The following RBM19 variants were observed in gnomAD, a reference collection of about 807,000 sequenced individuals.
RBM19 encodes probable RNA-binding protein 19.
A neutral mutation model predicts 116.8 loss-of-function variants in RBM19; 94 were observed. The observed-to-expected ratio is 0.80, with a 90% CI of 0.68 to 0.95. The LOEUF (loss-of-function observed/expected upper bound fraction) is 0.95. Ranked by LOEUF, RBM19 falls within the 40% of genes least tolerant of loss-of-function variation. The pLI, the probability that RBM19 is intolerant of heterozygous loss-of-function variation, is 0.00. For synonymous variants in RBM19, 475 were observed against 494.1 expected, an observed-to-expected ratio of 0.96 and a Z score of 0.51; for missense variants, 1,161 against 1,220.7, an observed-to-expected ratio of 0.95 and a Z score of 0.73.
At chr12:113,884,824 C>T (rs1222939404) in intron 21 of RBM19, among the ~76,000 whole-genome samples, 1 of 152,138 alleles carries the variant, frequency 6.6e-6, no homozygotes, top group African/African-American at 2.4e-5. Context: ...GGGGTTCCCA[C>T]TGGTCAAATT....
At chr12:113,833,976 GCTCAAGTGATCCTCCTGC>G (rs1215270984) in intron 23 of RBM19, among the ~76,000 whole-genome samples, 1 of 152,118 alleles carries the variant, frequency 6.6e-6, no homozygotes, top group Non-Finnish European at 1.5e-5. Context: ...AAACTCCTAG[GCTCAAGTGATCCTCCTGC>G]CTCGGCGTCT....
chr12:113,941,921 C>T (rs970722702), intron 14 of RBM19, among the ~76,000 whole-genome samples: 1 of 152,206 alleles, frequency 6.6e-6, no homozygotes, highest in Admixed American at 6.5e-5. Context: ...AAGCTGCAGT[C>T]ATCCATAAAT....
chr12:113,874,502 G>A (rs1040717459), intron 21 of RBM19, among the ~76,000 whole-genome samples: 8 of 152,198 alleles, frequency 5.3e-5, no homozygotes, highest in African/African-American at 1.2e-4. Context: ...GTGAGACCTC[G>A]AGGGGAGGTC....
intron 21 of RBM19, among the ~76,000 whole-genome samples, chr12:113,908,801 C>T (rs573193660): frequency 3.1e-4 from 47 of 152,278 alleles, no homozygotes; most frequent in African/African-American, 1.1e-3. Context: ...CCTCTCTGTG[C>T]CTTACACTTC....
intron 21 of RBM19, among the ~76,000 whole-genome samples, chr12:113,908,853 G>T (rs529134378): frequency 6.6e-6 from 1 of 152,316 alleles, no homozygotes; most frequent in South Asian, 2.1e-4. Flanking sequence ...TTCACATAGT[G>T]GGTATGCACT....
chr12:113,918,000 C>G (rs138740163), intron 20 of RBM19, among the ~76,000 whole-genome samples: 1,713 of 152,306 alleles, frequency 0.011, 17 homozygotes, highest in Middle Eastern at 0.048. Flanking sequence ...TCCCATAAAG[C>G]TGAATGTCTA....
chr12:113,906,217 G>A (rs1340606849), intron 21 of RBM19, among the ~76,000 whole-genome samples: 1 of 152,182 alleles, frequency 6.6e-6, no homozygotes, highest in African/African-American at 2.4e-5. Context: ...CTACCCAAAT[G>A]CTCATTGGTA....
At chr12:113,817,684 G>A (rs1874138731), downstream of RBM19, 1 of 152,252 alleles carries the variant, frequency 6.6e-6, no homozygotes, top group Non-Finnish European at 1.5e-5. Flanking sequence ...AACTGTGTAA[G>A]TCTGTGGAAT....
intron 23 of RBM19, among the ~76,000 whole-genome samples, chr12:113,842,710 A>C (rs1021997285): frequency 6.6e-6 from 1 of 152,248 alleles, no homozygotes; most frequent in Non-Finnish European, 1.5e-5. Context: ...AGAGGAGAGT[A>C]GAGGATGGAG....
At chr12:113,868,856 G>C (rs1231392219) in intron 21 of RBM19, among the ~76,000 whole-genome samples, 3 of 152,240 alleles carry the variant, frequency 2.0e-5, no homozygotes, top group Non-Finnish European at 4.4e-5. Flanking sequence ...ACAGTGAGGG[G>C]CTGAATCACA....
chr12:113,832,016 C>T (rs1362609761), intron 23 of RBM19, among the ~76,000 whole-genome samples: 2 of 152,106 alleles, frequency 1.3e-5, no homozygotes, highest in African/African-American at 4.8e-5. Flanking sequence ...AGAATTCCCT[C>T]TCCTTGATTT....
chr12:113,926,206 A>G (rs1236822533), intron 17 of RBM19, among the ~76,000 whole-genome samples: 1 of 151,666 alleles, frequency 6.6e-6, no homozygotes, highest in Non-Finnish European at 1.5e-5. Flanking sequence ...CCATATTCCT[A>G]CCCCTGAGGT....
At chr12:113,885,494 T>G (rs572453952) in intron 21 of RBM19, among the ~76,000 whole-genome samples, 3 of 152,334 alleles carry the variant, frequency 2.0e-5, no homozygotes, top group Admixed American at 2.0e-4. Context: ...TCCGGTTCTA[T>G]GGAGGACATT....
At chr12:113,905,353 G>A (rs1881968421) in intron 21 of RBM19, among the ~76,000 whole-genome samples, 1 of 152,202 alleles carries the variant, frequency 6.6e-6, no homozygotes, top group Non-Finnish European at 1.5e-5. Flanking sequence ...GGAGGGGAAA[G>A]AATGGTCTTT....
Position 113,898,156 on chromosome 12 carries a change from C to G in RBM19, c.2558+16813G>C, listed in dbSNP as rs1304369798. 6.6e-6 allele frequency among the ~76,000 whole-genome samples: 1 copy of G among 151,574 alleles called. No homozygotes were observed. On this transcript the variant is annotated intron_variant, in intron 21 of 23. Transcript: ENST00000261741. This position sits in a 1 kb window ranked among gnomAD's most constrained non-coding sequence, Gnocchi z 4.3. ...TTTCTCTAATTAGGGTCTGCTGCCT[C>G]TCGGATACATTTGGGCATATATACC...
chr12:113,896,879 C>A (rs1302862033), intron 21 of RBM19, among the ~76,000 whole-genome samples: 1 of 152,186 alleles, frequency 6.6e-6, no homozygotes, highest in African/African-American at 2.4e-5. Context: ...CACTCCTAGG[C>A]CGAAAGAAAT....
chr12:113,926,145 C>A (rs889536736), intron 17 of RBM19, among the ~76,000 whole-genome samples: 1 of 152,108 alleles, frequency 6.6e-6, no homozygotes, highest in Non-Finnish European at 1.5e-5. Flanking sequence ...GGGGCTCTGA[C>A]CCTCTGCCTC....
chr12:113,936,863 C>T, intron 16 of RBM19, 144 bp downstream of exon 16: 1 of 1,092,460 alleles, frequency 9.2e-7, no homozygotes, highest in Admixed American at 2.5e-5. Context: ...CCCATAAAAT[C>T]TGAGAGTCTG....
Position 113,825,500 on chromosome 12 carries a change from T to C in RBM19, c.2786-2179A>G, listed in dbSNP as rs1874781507. Reference sequence around the variant, plus strand: ...TGGGCAGGTAATAGGAACTGGAAAATAGAACGCAACAAAACAGGGCCCACA... The same window carrying C: ...TGGGCAGGTAATAGGAACTGGAAAACAGAACGCAACAAAACAGGGCCCACA... On this transcript the variant is annotated intron_variant, in intron 23 of 23. Coordinates refer to ENST00000261741, the MANE Select transcript of RBM19 (RefSeq NM_016196.4). This position sits in a 1 kb window ranked among gnomAD's most constrained non-coding sequence, Gnocchi z 5.7. Among the ~76,000 whole-genome samples, 1 of 151,906 alleles carries C rather than the reference T, an allele frequency of 6.6e-6. No homozygotes were observed. Among genetic ancestry groups the C allele is most frequent in the Non-Finnish European group, 1.5e-5 (1 of 67,990 alleles).
Sources: allele counts gnomAD v4.1 joint callset (sites outside exome capture counted in the v4.1 genomes callset), GRCh38; gene constraint gnomAD v4.1.1; non-coding constraint Gnocchi (gnomAD v3.1); transcripts MANE v1.5; gene names NCBI Gene and HGNC (gene_info 2026-07-23, HGNC 2026-07-21).